The following TAPT1 variants were observed in gnomAD, a reference collection of about 807,000 sequenced individuals.
The protein encoded by TAPT1 is transmembrane anterior posterior transformation 1, also known as transmembrane anterior posterior transformation protein 1 homolog.
In TAPT1, 28 loss-of-function variants were observed where a neutral mutation model predicts 65.6. The observed-to-expected ratio is 0.43, with a 90% CI of 0.32 to 0.59. The LOEUF (loss-of-function observed/expected upper bound fraction) is 0.59, where lower values mean the gene tolerates loss of function less well. Ranked by LOEUF, TAPT1 falls within the 20% of genes least tolerant of loss-of-function variation. TAPT1 has a pLI of 0.09. For missense variants in TAPT1, 563 were observed against 679.9 expected, an observed-to-expected ratio of 0.83 and a Z score of 1.91; for synonymous variants, 278 against 245.2, an observed-to-expected ratio of 1.13 and a Z score of -1.25.
In TAPT1 at chr4:16,176,214, A is replaced by G. The variant is rs1264055314; in HGVS notation, c.1012T>C (p.Leu338=). 6.4e-7 allele frequency: 1 copy of G among 1,553,592 alleles called. No individual in the cohort carries two copies. Among genetic ancestry groups the G allele is most frequent in the African/African-American group, 1.4e-5 (1 of 73,322 alleles). ...FSWNPDHLWV[L]FPDVCMVIAS... ...ATTACCATACAGACATCTGGAAACA[A>G]CACCCAGAGATGATCTGTAAATAGA... is the stretch of plus-strand genomic sequence containing the variant. Residue 338 remains leucine (L), a synonymous_variant, in exon 9 of 14, where the codon TTG becomes CTG. Transcript: ENST00000405303.
chr4:16,222,130 A>G (rs554322012), intron 1 of TAPT1, among the ~76,000 whole-genome samples: 5 of 152,240 alleles, frequency 3.3e-5, no homozygotes, highest in Non-Finnish European at 5.9e-5. Context: ...TTGACAGTCA[A>G]TGCTATATAG....
chr4:16,214,012 T>A, intron 1 of TAPT1, 114 bp from the exon 2 acceptor site: 1 of 807,136 alleles, frequency 1.2e-6, no homozygotes, highest in Non-Finnish European at 1.8e-6. Flanking sequence ...AAATAAATGT[T>A]ATCTATAATT....
chr4:16,204,009 C>T (rs1274296271), intron 2 of TAPT1, among the ~76,000 whole-genome samples: 6 of 152,096 alleles, frequency 3.9e-5, no homozygotes, highest in Non-Finnish European at 8.8e-5. Flanking sequence ...AGCGTAGAGT[C>T]CCAGTGTTGC....
intron 1 of TAPT1, among the ~76,000 whole-genome samples, chr4:16,218,693 A>C (rs982465389): frequency 2.6e-5 from 4 of 152,260 alleles, no homozygotes; most frequent in African/African-American, 9.6e-5. Context: ...GGACTAAGAC[A>C]GTATTTGTAT....
chr4:16,180,994 G>A (rs1748679329), intron 7 of TAPT1, among the ~76,000 whole-genome samples: 3 of 152,194 alleles, frequency 2.0e-5, no homozygotes, highest in Admixed American at 2.0e-4. Flanking sequence ...AGGCCATGTG[G>A]ATTTTCAGGT....
At chr4:16,213,100 T>C (rs1299549007) in intron 2 of TAPT1, among the ~76,000 whole-genome samples, 1 of 152,242 alleles carries the variant, frequency 6.6e-6, no homozygotes, top group Non-Finnish European at 1.5e-5. Flanking sequence ...TAGCTGAAGC[T>C]GAATTATTTC....
In TAPT1 at chr4:16,202,591, A is replaced by G; in HGVS notation, c.331-11T>C. The G allele has an allele frequency of 7.1e-7, 1 of 1,417,926 alleles. No homozygotes were observed. Among genetic ancestry groups the G allele is most frequent in the Non-Finnish European group, 9.6e-7 (1 of 1,046,416 alleles). 87.8% of individuals were successfully genotyped at this position (1,417,926 alleles called of 1,614,324 possible). A position where few individuals can be genotyped will look rare whatever the true frequency, so the allele number is the denominator to read the frequency against. ...TCCAAAAACCATCAGCTGAATTTTA[A>G]CAAGGAGAGAAGAAAAAAAAAAAGT... On this transcript the variant is annotated splice_polypyrimidine_tract_variant and intron_variant, in intron 2 of 13. Transcript: ENST00000405303.
rs578119309 is a variant in TAPT1, at chr4:16,202,545, C to T, written c.366G>A (p.Ala122=). 4.6e-5 allele frequency: 72 copies of T among 1,549,106 alleles called. No homozygotes were observed. The highest frequency in any genetic ancestry group is 3.3e-4 in the Middle Eastern group (2 of 5,980). The change falls in exon 3 of 14, where the codon GCG becomes GCA. Residue 122 remains alanine, a synonymous_variant. Coordinates refer to ENST00000405303, the MANE Select transcript of TAPT1 (RefSeq NM_153365.3). ...MVFGIFLCLD[A]FLYVFTLLPL... is the part of the protein sequence containing the mutation. ...GAAGCAGGGTGAACACATACAAAAA[C>T]GCATCCAGGCACAGAAAGATTCCAA...
chr4:16,164,852 A>G (rs1334467800), intron 13 of TAPT1, among the ~76,000 whole-genome samples: 3 of 152,182 alleles, frequency 2.0e-5, no homozygotes, highest in Non-Finnish European at 4.4e-5. Context: ...TGAAAAAAAT[A>G]ATTTCCCAGT....
At chr4:16,172,056 G>A (rs553260845) in intron 11 of TAPT1, among the ~76,000 whole-genome samples, 1 of 152,172 alleles carries the variant, frequency 6.6e-6, no homozygotes, top group South Asian at 2.1e-4. Context: ...ACGAAGCTCT[G>A]TGAGCAAAGT....
intron 8 of TAPT1, chr4:16,179,287 A>G: frequency 3.7e-6 from 1 of 271,606 alleles, no homozygotes. Context: ...GCAAACTGTG[A>G]CACAATGGTA....
chr4:16,163,493 G>C lies in TAPT1; in HGVS notation c.1519C>G (p.Pro507Ala). 6.2e-7 allele frequency: 1 copy of C among 1,613,978 alleles called. No individual in the cohort carries two copies. Among genetic ancestry groups the C allele is most frequent in the East Asian group, 2.2e-5 (1 of 44,880 alleles). ...ATGATATTTTCCTTTTGATGAATAGGTTGTTTGGTGATGGAGGCAGACAGG... is the reference window on the plus strand; with the variant it reads ...ATGATATTTTCCTTTTGATGAATAGCTTGTTTGGTGATGGAGGCAGACAGG... ...ENLSASITKQPIHQKENIIPL... is the reference protein window; with the variant it reads ...ENLSASITKQAIHQKENIIPL... The change falls in exon 14 of 14, where the codon CCT becomes GCT. Residue 507 changes from proline to alanine, a missense_variant. This residue lies in a region of TAPT1 where 136 missense variants were observed against 153.9 expected (regional missense o/e 0.88). Transcript: ENST00000405303.
In TAPT1 at chr4:16,179,658, C is replaced by A. The variant is rs1298084168; in HGVS notation, c.917-1G>T. The A allele has an allele frequency of 3.3e-6, 5 of 1,505,364 alleles. No individual in the cohort carries two copies. Among genetic ancestry groups the A allele is most frequent in the African/African-American group, 2.8e-5 (2 of 70,662 alleles). The allele number at this position is 1,505,364 out of a possible 1,614,324, so 93.3% of individuals were successfully genotyped here. On this transcript the variant is annotated splice_acceptor_variant, in intron 7 of 13. Transcript: ENST00000405303. LOFTEE classifies it high-confidence loss of function. ...TAATTTGTGAATCGTTCCTTAATAT[C>A]TAAAAGAAAAAAAATCAACATAAGT...
Position 16,191,532 on chromosome 4 carries a change from TACAAG to T in TAPT1, c.450-14_450-10del. ...GAAGCAAACGTCTGTCCCTGAAACA[TACAAG>T]AAGTAATAAAAATATAATTTTTACT... On this transcript the variant is annotated splice_polypyrimidine_tract_variant and intron_variant, in intron 3 of 13. Transcript: ENST00000405303. The T allele has an allele frequency of 6.4e-7, 1 of 1,550,552 alleles. No individual in the cohort carries two copies. Among genetic ancestry groups the T allele is most frequent in the Non-Finnish European group, 8.7e-7 (1 of 1,146,590 alleles).
intron 3 of TAPT1, among the ~76,000 whole-genome samples, chr4:16,192,256 A>T (rs553639210): frequency 1.3e-5 from 2 of 152,214 alleles, no homozygotes; most frequent in Non-Finnish European, 2.9e-5. Flanking sequence ...AGCCCAGGGC[A>T]CTGATACAGT....
chr4:16,206,214 G>A (rs758401849), intron 2 of TAPT1, among the ~76,000 whole-genome samples: 3 of 152,344 alleles, frequency 2.0e-5, no homozygotes, highest in Non-Finnish European at 2.9e-5. Flanking sequence ...GTTCTCTTAC[G>A]ATAGGCAAGC....
At chr4:16,191,148 G>A (rs765408694) in intron 4 of TAPT1, 2 of 457,968 alleles carry the variant, frequency 4.4e-6, no homozygotes, top group East Asian at 3.4e-5. Flanking sequence ...GAGCCCCACC[G>A]CCCTGGAAAT....
intron 3 of TAPT1, among the ~76,000 whole-genome samples, chr4:16,193,905 T>C (rs1468424472): frequency 6.6e-6 from 1 of 152,186 alleles, no homozygotes; most frequent in African/African-American, 2.4e-5. Flanking sequence ...TTTGTGTTAA[T>C]TATGAAAATA....
At chr4:16,225,196 G>A (rs1751475797) in intron 1 of TAPT1, among the ~76,000 whole-genome samples, 1 of 152,148 alleles carries the variant, frequency 6.6e-6, no homozygotes, top group African/African-American at 2.4e-5. Flanking sequence ...GCTTCAAATA[G>A]AACCTACGTC....
Sources: gnomAD v4.1 joint callset for allele counts (sites outside exome capture counted in the v4.1 genomes callset) on GRCh38, gnomAD v4.1.1 for gene constraint, gnomAD v4.1.1 regional missense constraint, MANE v1.5 for transcripts, NCBI Gene and HGNC (gene_info 2026-07-23, HGNC 2026-07-21) for gene names.